UBE2U: variants seen among roughly 807,000 people sequenced by gnomAD.
The protein encoded by UBE2U is ubiquitin-conjugating enzyme E2 U.
A neutral mutation model predicts 41.2 loss-of-function variants in UBE2U; 39 were observed. The ratio of observed to expected loss-of-function variants is 0.95; its 90% CI spans 0.73 to 1.24. The LOEUF (loss-of-function observed/expected upper bound fraction) is 1.24, where lower values mean the gene tolerates loss of function less well. Among genes scored for constraint, UBE2U ranks in the 50% most tolerant of loss-of-function variants. The pLI is 0.00. For synonymous variants in UBE2U, 107 were observed against 117.8 expected (o/e 0.91, Z 0.60); for missense variants, 336 against 363.1 (o/e 0.93, Z 0.61).
At position 64,264,672 on chromosome 1, in the gene UBE2U, G is replaced by T. The variant is rs373812494; in HGVS notation, c.770-2352G>T. ...TCCCAGTAACTAGTTTAGAAATGGGGCGGGGCGCAGTGGCTCACGCCTGTA... is the reference window on the plus strand; with the variant it reads ...TCCCAGTAACTAGTTTAGAAATGGGTCGGGGCGCAGTGGCTCACGCCTGTA... On this transcript the variant is annotated intron_variant, in intron 9 of 9. Transcript: ENST00000371077. 9.2e-5 allele frequency among the ~76,000 whole-genome samples: 14 copies of T among 152,242 alleles called. No homozygotes were observed. The East Asian group carries it at 1.2e-3, about 13-fold the overall frequency.
intron 5 of UBE2U, among the ~76,000 whole-genome samples, chr1:64,217,989 C>G (rs942863298): frequency 5.3e-5 from 8 of 152,090 alleles, no homozygotes; most frequent in Non-Finnish European, 1.0e-4. Flanking sequence ...AATTTTAAAG[C>G]AAATTGTCTC....
At chr1:64,227,076 CCCATTCATGATAA>C (rs1652922755) in intron 6 of UBE2U, among the ~76,000 whole-genome samples, 1 of 152,158 alleles carries the variant, frequency 6.6e-6, no homozygotes, top group East Asian at 1.9e-4. Flanking sequence ...AAATTTAACA[CCCATTCATGATAA>C]AAATTCTTAG....
At chr1:64,244,262 G>A (rs1412034524) in intron 8 of UBE2U, 11 of 1,325,802 alleles carry the variant, frequency 8.3e-6, no homozygotes, top group Non-Finnish European at 1.1e-5. Flanking sequence ...TACCTATCTT[G>A]CAAAGTTGTT....
chr1:64,247,022 C>T (rs537535811), intron 8 of UBE2U, among the ~76,000 whole-genome samples: 101 of 152,272 alleles, frequency 6.6e-4, no homozygotes, highest in African/African-American at 2.4e-3. Context: ...ACTATTGCCA[C>T]TTGTCTTTGG....
chr1:64,231,348 T>C (rs1644561820), intron 6 of UBE2U, among the ~76,000 whole-genome samples: 1 of 152,172 alleles, frequency 6.6e-6, no homozygotes, highest in Non-Finnish European at 1.5e-5. Context: ...TGACAGCAAA[T>C]TGATCACAAG....
In UBE2U at chr1:64,241,712, A is replaced by T. The variant is rs138844744; in HGVS notation, c.656A>T (p.His219Leu). Residue 219 changes from histidine (H) to leucine (L), a missense_variant, in exon 8 of 10, where the codon CAT (histidine) becomes CTT (leucine). Coordinates refer to ENST00000371077, the MANE Select transcript of UBE2U (RefSeq NM_001366232.2). ...YYKWKKMDLQ[H>L]QKEWNLKYSV... ...AAATGGAAGAAAATGGATCTACAGC[A>T]TCAGAAAGAATGGAATTTAAAGTAA... 143 of 1,609,606 alleles carry T rather than the reference A, an allele frequency of 8.9e-5. No individual in the cohort carries two copies. The Middle Eastern group carries it at 1.8e-3, about 21-fold the overall frequency.
At chr1:64,264,372 A>T (rs115604111) in intron 9 of UBE2U, among the ~76,000 whole-genome samples, 1 of 152,182 alleles carries the variant, frequency 6.6e-6, no homozygotes, top group South Asian at 2.1e-4. Context: ...ACTGATTCCA[A>T]CCACCAAATC....
chr1:64,259,475 A>G (rs1356683495), intron 8 of UBE2U, among the ~76,000 whole-genome samples: 2 of 152,080 alleles, frequency 1.3e-5, no homozygotes, highest in Non-Finnish European at 2.9e-5. Flanking sequence ...TTAAGTCTTT[A>G]ATTCATCTTG....
At chr1:64,224,722 CA>C (rs5774690) in intron 6 of UBE2U, among the ~76,000 whole-genome samples, 26,075 of 133,090 alleles carry the variant, frequency 0.2, 2,528 homozygotes, top group Non-Finnish European at 0.25. Flanking sequence ...GACTCTGTGT[CA>C]AAAAAAAAAA....
In UBE2U at chr1:64,264,957, A is replaced by AAAATT. The variant is rs201375108; in HGVS notation, c.770-2053_770-2049dup. On this transcript the variant is annotated intron_variant, in intron 9 of 9. Coordinates refer to ENST00000371077, the MANE Select transcript of UBE2U (RefSeq NM_001366232.2). ...GGGAGTGAAACCCTGCCTCAAAAAA[A>AAAATT]AAATTAAATTAAATTAAAATAAAAG... Among the ~76,000 whole-genome samples the AAAATT allele has an allele frequency of 6.8e-3, 1,038 of 152,264 alleles. 15 individuals are homozygous for AAAATT. Among genetic ancestry groups the AAAATT allele is most frequent in the African/African-American group, 0.024 (997 of 41,516 alleles).
chr1:64,237,564 C>T (rs1644693017), intron 7 of UBE2U, among the ~76,000 whole-genome samples: 1 of 152,122 alleles, frequency 6.6e-6, no homozygotes, highest in Non-Finnish European at 1.5e-5. Flanking sequence ...CGATCAGTGT[C>T]ATTCGTTGAG....
chr1:64,250,225 C>T (rs1359408897), intron 8 of UBE2U, among the ~76,000 whole-genome samples: 2 of 152,166 alleles, frequency 1.3e-5, no homozygotes, highest in East Asian at 3.9e-4. Flanking sequence ...CCAATAAATC[C>T]AACCACATAG....
At chr1:64,225,885 G>A (rs1434995319) in intron 6 of UBE2U, among the ~76,000 whole-genome samples, 1 of 152,188 alleles carries the variant, frequency 6.6e-6, no homozygotes. Context: ...TGGAGTAATT[G>A]GAGCTTTCGT....
intron 9 of UBE2U, among the ~76,000 whole-genome samples, chr1:64,263,414 T>C (rs1645209109): frequency 6.6e-6 from 1 of 152,156 alleles, no homozygotes; most frequent in African/African-American, 2.4e-5. Flanking sequence ...AGAGCGTGCC[T>C]GGACTGGCCC....
chr1:64,244,179 G>A lies in UBE2U; in HGVS notation c.677+2446G>A, dbSNP rs748645940. 3.7e-6 allele frequency: 6 copies of A among 1,603,608 alleles called. No homozygotes were observed. In the South Asian group the frequency reaches 4.4e-5, roughly 12 times the overall value. On this transcript the variant is annotated intron_variant, in intron 8 of 9. Coordinates refer to ENST00000371077, the MANE Select transcript of UBE2U (RefSeq NM_001366232.2). ...GCATAGGGGAAGAGCATGAGCTTCA[G>A]AGTCAAACAGATGTTGGAGAAATTC...
intron 8 of UBE2U, among the ~76,000 whole-genome samples, chr1:64,244,609 T>C (rs1446271717): frequency 6.6e-6 from 1 of 152,180 alleles, no homozygotes; most frequent in Non-Finnish European, 1.5e-5. Flanking sequence ...TCATTTCTTC[T>C]GCCTGGTGAA....
At chr1:64,254,559 G>A (rs1031295785) in intron 8 of UBE2U, among the ~76,000 whole-genome samples, 4 of 152,108 alleles carry the variant, frequency 2.6e-5, no homozygotes, top group Non-Finnish European at 5.9e-5. Flanking sequence ...CAGACTTTCA[G>A]ACCACAGCAC....
intron 2 of UBE2U, among the ~76,000 whole-genome samples, chr1:64,206,149 A>G (rs1651285280): frequency 6.6e-6 from 1 of 152,176 alleles, no homozygotes; most frequent in Admixed American, 6.5e-5. Context: ...AAATCTCAAG[A>G]ACACTAAGCC....
chr1:64,239,108 G>GAAGAAGAAGGAAGA (rs1644744513), intron 7 of UBE2U, among the ~76,000 whole-genome samples: 1 of 28,434 alleles, frequency 3.5e-5, no homozygotes, highest in African/African-American at 2.9e-4. Context: ...AGAAGAAGAA[G>GAAGAAGAAGGAAGA]AAGAAGAAGA....
Sources: allele counts gnomAD v4.1 joint callset (sites outside exome capture counted in the v4.1 genomes callset), GRCh38; gene constraint gnomAD v4.1.1; transcripts MANE v1.5; gene names NCBI Gene and HGNC (gene_info 2026-07-23, HGNC 2026-07-21).